RHOBTB3: variants seen among roughly 807,000 people sequenced by gnomAD.
The protein encoded by RHOBTB3 is rho-related BTB domain-containing protein 3.
Under a neutral mutation model 67.2 loss-of-function variants are expected in RHOBTB3, and 47 were observed. The observed-to-expected ratio is 0.70, with a 90% CI of 0.55 to 0.89. The LOEUF (loss-of-function observed/expected upper bound fraction) is 0.89, where lower values mean the gene tolerates loss of function less well. Among genes scored for constraint, RHOBTB3 ranks in the 40% least tolerant of loss-of-function variants. RHOBTB3 has a pLI of 0.00. For synonymous variants in RHOBTB3, 273 were observed against 274.2 expected (o/e 1.00, Z 0.04); for missense variants, 631 against 750.0 (o/e 0.84, Z 1.85).
At chr5:95,790,276 T>C (rs1746343377) in intron 11 of RHOBTB3, among the ~76,000 whole-genome samples, 1 of 152,238 alleles carries the variant, frequency 6.6e-6, no homozygotes, top group Non-Finnish European at 1.5e-5. Flanking sequence ...GGAACATTCT[T>C]CTATAGTTAT....
intron 3 of RHOBTB3, among the ~76,000 whole-genome samples, chr5:95,737,787 T>A (rs543963801): frequency 6.6e-6 from 1 of 152,216 alleles, no homozygotes; most frequent in Non-Finnish European, 1.5e-5. Context: ...CTAAATGCAT[T>A]TTTACCTATG....
chr5:95,796,245 C>T lies in RHOBTB3; in HGVS notation c.*3071C>T, dbSNP rs1746556290. The T allele has an allele frequency of 6.6e-6, 1 of 152,178 alleles. No homozygotes were observed. Among genetic ancestry groups the T allele is most frequent in the Admixed American group, 6.5e-5 (1 of 15,286 alleles). The allele number at this position is 152,178 out of a possible 1,614,324, so 9.4% of individuals were successfully genotyped here. A position where few individuals can be genotyped will look rare whatever the true frequency, so the allele number is the denominator to read the frequency against. On this transcript the variant is annotated 3_prime_UTR_variant, in exon 12 of 12. Coordinates refer to ENST00000379982, the MANE Select transcript of RHOBTB3 (RefSeq NM_014899.4). ...ATTTAAAGCATCTGTTTAATTCAACCTTTAATAATTTTGCAAAGAAGGGTA... is the reference window on the plus strand; with the variant it reads ...ATTTAAAGCATCTGTTTAATTCAACTTTTAATAATTTTGCAAAGAAGGGTA...
intron 1 of RHOBTB3, among the ~76,000 whole-genome samples, chr5:95,724,925 C>T (rs1337662118): frequency 1.3e-5 from 2 of 151,976 alleles, no homozygotes; most frequent in Non-Finnish European, 2.9e-5. Context: ...TGGTGGCATG[C>T]ACCTGTAGTC....
chr5:95,793,381 C>T lies in RHOBTB3; in HGVS notation c.*207C>T, dbSNP rs1157748291. 2.5e-6 allele frequency: 1 copy of T among 392,242 alleles called. No homozygotes were observed. The highest frequency in any genetic ancestry group is 2.1e-5 in the African/African-American group (1 of 48,060). The allele number at this position is 392,242 out of a possible 1,614,324, so 24.3% of individuals were successfully genotyped here. A position where few individuals can be genotyped will look rare whatever the true frequency, so the allele number is the denominator to read the frequency against. ...AATATACCATAGGCTAAAACTAAGG[C>T]TTTCACTCTAGAATGCAAAGCTGTT... On this transcript the variant is annotated 3_prime_UTR_variant, in exon 12 of 12. Transcript: ENST00000379982.
At chr5:95,771,494 C>G (rs528554935) in intron 8 of RHOBTB3, among the ~76,000 whole-genome samples, 5 of 152,146 alleles carry the variant, frequency 3.3e-5, no homozygotes, top group Non-Finnish European at 5.9e-5. Flanking sequence ...AGTAGGGCAG[C>G]AAGAGTGACC....
At chr5:95,772,951 C>T (rs1362772723) in intron 8 of RHOBTB3, among the ~76,000 whole-genome samples, 1 of 152,212 alleles carries the variant, frequency 6.6e-6, no homozygotes, top group African/African-American at 2.4e-5. Flanking sequence ...CTGGCCCCAT[C>T]ATACATTAAT....
intron 7 of RHOBTB3, among the ~76,000 whole-genome samples, chr5:95,765,989 G>A (rs551862382): frequency 5.9e-5 from 9 of 152,172 alleles, no homozygotes; most frequent in South Asian, 4.2e-4. Context: ...TGCTACTCTC[G>A]TTAAGCGTGG....
intron 1 of RHOBTB3, among the ~76,000 whole-genome samples, chr5:95,724,235 G>A (rs1754983917): frequency 6.6e-6 from 1 of 152,186 alleles, no homozygotes; most frequent in Non-Finnish European, 1.5e-5. Context: ...GGAATTTAAT[G>A]AAGAGCTGCT....
chr5:95,759,652 C>T (rs1745342082), intron 6 of RHOBTB3, among the ~76,000 whole-genome samples: 1 of 152,196 alleles, frequency 6.6e-6, no homozygotes, highest in South Asian at 2.1e-4. Flanking sequence ...ACGTTTTTCT[C>T]AGAGACTTCA....
At chr5:95,737,216 A>C in intron 3 of RHOBTB3, 141 bp downstream of exon 3, 1 of 575,188 alleles carries the variant, frequency 1.7e-6, no homozygotes, top group Non-Finnish European at 3.0e-6. Context: ...CTATCGCTTC[A>C]TCATTTGATA....
intron 6 of RHOBTB3, among the ~76,000 whole-genome samples, chr5:95,762,105 G>A (rs762022212): frequency 6.6e-6 from 1 of 152,232 alleles, no homozygotes; most frequent in African/African-American, 2.4e-5. Flanking sequence ...GCTTGTGAGA[G>A]CCCAGTTGTG....
chr5:95,741,307 G>A (rs1306232644), intron 3 of RHOBTB3, among the ~76,000 whole-genome samples: 3 of 146,644 alleles, frequency 2.0e-5, no homozygotes, highest in African/African-American at 7.5e-5. Context: ...CAGCCTGGAC[G>A]ACAGAGCGAG....
intron 6 of RHOBTB3, among the ~76,000 whole-genome samples, chr5:95,758,290 C>T (rs939964538): frequency 3.3e-5 from 5 of 152,170 alleles, no homozygotes; most frequent in South Asian, 2.1e-4. Context: ...ACCCTTTCCC[C>T]GGAGTCATTT....
At chr5:95,783,337 T>G (rs1746118026) in intron 9 of RHOBTB3, among the ~76,000 whole-genome samples, 1 of 151,574 alleles carries the variant, frequency 6.6e-6, no homozygotes, top group Middle Eastern at 3.4e-3. Flanking sequence ...TCCGCCAGGA[T>G]GGACTTGATT....
chr5:95,728,930 A>G (rs1189951539), upstream of RHOBTB3, among the ~76,000 whole-genome samples: 1 of 152,260 alleles, frequency 6.6e-6, no homozygotes, highest in African/African-American at 2.4e-5. Flanking sequence ...ATGCACTAGC[A>G]TGCTAAAAGA....
chr5:95,720,934 G>A (rs1754851370), intron 1 of RHOBTB3, among the ~76,000 whole-genome samples: 1 of 152,120 alleles, frequency 6.6e-6, no homozygotes, highest in Non-Finnish European at 1.5e-5. Context: ...GGATTTTCTG[G>A]CTCTTTAGAA....
chr5:95,765,372 G>T (rs1244166758), intron 7 of RHOBTB3, among the ~76,000 whole-genome samples: 1 of 152,166 alleles, frequency 6.6e-6, no homozygotes, highest in African/African-American at 2.4e-5. Flanking sequence ...GAAAGGGAAG[G>T]CTGGGTGATA....
chr5:95,732,140 T>C (rs1302959057), intron 2 of RHOBTB3, 56 bp downstream of exon 2: 5 of 1,518,344 alleles, frequency 3.3e-6, no homozygotes, highest in Middle Eastern at 1.7e-4. Flanking sequence ...TTTCCTTTTT[T>C]TTCCCCCTCC....
intron 2 of RHOBTB3, among the ~76,000 whole-genome samples, chr5:95,733,626 T>C (rs537448065): frequency 4.7e-4 from 71 of 152,316 alleles, no homozygotes; most frequent in African/African-American, 1.6e-3. Flanking sequence ...TTATGGTTTA[T>C]CTTGCTAATA....
Sources: gnomAD v4.1 joint callset for allele counts (sites outside exome capture counted in the v4.1 genomes callset) on GRCh38, gnomAD v4.1.1 for gene constraint, MANE v1.5 for transcripts, NCBI Gene and HGNC (gene_info 2026-07-23, HGNC 2026-07-21) for gene names.